Variants in NHSL1 observed in about 807,000 individuals in gnomAD.
NHSL1 encodes the protein NHS-like protein 1.
In NHSL1, 48 loss-of-function variants were observed where a neutral mutation model predicts 95.0. The ratio of observed to expected loss-of-function variants is 0.51; its 90% CI spans 0.40 to 0.64. The LOEUF (loss-of-function observed/expected upper bound fraction) is 0.64, where lower values mean the gene tolerates loss of function less well. Ranked by LOEUF, NHSL1 falls within the 30% of genes least tolerant of loss-of-function variation. NHSL1 has a pLI of 0.00. For synonymous variants in NHSL1, 783 were observed against 833.9 expected (o/e 0.94, Z 1.05); for missense variants, 1,971 against 2,077.7 (o/e 0.95, Z 1.00).
chr6:138,604,094 AG>A (rs1258206914), intron 1 of NHSL1, among the ~76,000 whole-genome samples: 38 of 152,226 alleles, frequency 2.5e-4, no homozygotes, highest in African/African-American at 9.2e-4. Flanking sequence ...AGTTTTGCTA[AG>A]TGAGTTGACC....
chr6:138,659,179 C>T (rs558128525), intron 1 of NHSL1, among the ~76,000 whole-genome samples: 9 of 150,974 alleles, frequency 6.0e-5, no homozygotes, highest in Non-Finnish European at 8.8e-5. Context: ...CCTCCTGAGA[C>T]GCTGGGATTA....
At chr6:138,629,248 A>G (rs1303928576) in intron 1 of NHSL1, among the ~76,000 whole-genome samples, 1 of 152,230 alleles carries the variant, frequency 6.6e-6, no homozygotes, top group Non-Finnish European at 1.5e-5. Flanking sequence ...ACTATGTTGG[A>G]CAACTGAGCT....
intron 4 of NHSL1, among the ~76,000 whole-genome samples, chr6:138,445,216 G>A (rs1380126782): frequency 6.6e-6 from 1 of 152,066 alleles, no homozygotes; most frequent in Non-Finnish European, 1.5e-5. Flanking sequence ...ATTAAGGATT[G>A]TCATATTTCA....
intron 1 of NHSL1, among the ~76,000 whole-genome samples, chr6:138,558,365 A>G (rs1029582552): frequency 6.0e-5 from 9 of 150,312 alleles, no homozygotes; most frequent in Non-Finnish European, 1.2e-4. Flanking sequence ...CTCGTGATCC[A>G]CCTGCGTCAG....
In NHSL1 at chr6:138,449,014, T is replaced by C. The variant is rs561485871; in HGVS notation, c.340-1821A>G. 2.1e-5 allele frequency among the ~76,000 whole-genome samples: 3 copies of C among 143,984 alleles called. No individual in the cohort carries two copies. In the East Asian group the frequency reaches 6.2e-4, roughly 30 times the overall value. 94.5% of individuals were successfully genotyped at this position (143,984 alleles called of 152,430 possible). A position where few individuals can be genotyped will look rare whatever the true frequency, so the allele number is the denominator to read the frequency against. On this transcript the variant is annotated intron_variant, in intron 3 of 7. Coordinates refer to ENST00000343505, the MANE Select transcript of NHSL1 (RefSeq NM_001144060.2). ...TTGCAGTGAGCCGAGATCGCACCAT[T>C]GCGCCCCAGCCTGGGCAACAAGAGC...
upstream of NHSL1, among the ~76,000 whole-genome samples, chr6:138,550,236 C>T (rs932289319): frequency 6.6e-6 from 1 of 151,354 alleles, no homozygotes; most frequent in Non-Finnish European, 1.5e-5. Context: ...GAGACTCTAT[C>T]TCCAAAAAAA....
chr6:138,505,124 C>T (rs9495098), intron 1 of NHSL1, among the ~76,000 whole-genome samples: 24,989 of 152,124 alleles, frequency 0.16, 2,927 homozygotes, highest in African/African-American at 0.33. Flanking sequence ...TTGCCCATCC[C>T]CGCCCCCATC....
chr6:138,431,493 G>A lies in NHSL1; in HGVS notation c.2852C>T (p.Pro951Leu), dbSNP rs1182593263. The A allele has an allele frequency of 1.3e-6, 2 of 1,551,168 alleles. No homozygotes were observed. Among genetic ancestry groups the A allele is most frequent in the Non-Finnish European group, 1.7e-6 (2 of 1,146,820 alleles). ...PCPADRSPFL[P>L]PPPPVTDCSQ... Reference sequence around the variant, plus strand: ...GCAATCTGTGACAGGAGGTGGGGGAGGAAGGAAAGGAGACCTGTCTGCAGG... The same window carrying A: ...GCAATCTGTGACAGGAGGTGGGGGAAGAAGGAAAGGAGACCTGTCTGCAGG... The change falls in exon 6 of 8, where the codon CCT becomes CTT. Residue 951 changes from proline (P) to leucine (L), a missense_variant. Around this residue, in one of 3 missense-constraint regions of NHSL1, gnomAD observed 1,602 missense variants for 1,654.5 expected, o/e 0.97. Coordinates refer to ENST00000343505, the MANE Select transcript of NHSL1 (RefSeq NM_001144060.2). The surrounding 1 kb of genome is among the most constrained non-coding windows in gnomAD (Gnocchi z 4.0).
chr6:138,643,158 T>C (rs748199058), intron 1 of NHSL1, among the ~76,000 whole-genome samples: 15 of 152,254 alleles, frequency 9.9e-5, no homozygotes, highest in Non-Finnish European at 1.9e-4. Context: ...TGTCAAACAC[T>C]GTGCTAGGCC....
chr6:138,573,165 T>C (rs776943417), upstream of NHSL1, among the ~76,000 whole-genome samples: 10 of 152,290 alleles, frequency 6.6e-5, no homozygotes, highest in Non-Finnish European at 1.3e-4. Context: ...GCTACGCTAG[T>C]GGCACTTAGC....
At position 138,433,152 on chromosome 6, in the gene NHSL1, G is replaced by A; in HGVS notation, c.1193C>T (p.Pro398Leu). 1 of 1,551,146 alleles carries A rather than the reference G, an allele frequency of 6.4e-7. No homozygotes were observed. Among genetic ancestry groups the A allele is most frequent in the Non-Finnish European group, 8.7e-7 (1 of 1,146,874 alleles). The change falls in exon 6 of 8, where the codon CCA (proline) becomes CTA (leucine). Residue 398 changes from proline to leucine, a missense_variant. Around this residue, in one of 3 missense-constraint regions of NHSL1, gnomAD observed 1,602 missense variants for 1,654.5 expected, o/e 0.97. Coordinates refer to ENST00000343505, the MANE Select transcript of NHSL1 (RefSeq NM_001144060.2). ...TGCATGAGGAGAAACCACACACGCT[G>A]GGCTCATTATATTTTCACTCTCGAA... ...RHFESENIMS[P>L]ACVVSPHATY...
intron 1 of NHSL1, among the ~76,000 whole-genome samples, chr6:138,587,695 G>T (rs746886529): frequency 2.0e-5 from 3 of 151,792 alleles, no homozygotes; most frequent in Non-Finnish European, 4.4e-5. Flanking sequence ...ACATTTTTTC[G>T]ATTCTAATAT....
At chr6:138,462,205 T>G (rs12526243) in intron 3 of NHSL1, among the ~76,000 whole-genome samples, 8,437 of 152,274 alleles carry the variant, frequency 0.055, 646 homozygotes, top group East Asian at 0.29. Flanking sequence ...TTATTTAGCT[T>G]ATGGTTTCAC....
chr6:138,433,581 T>C lies in NHSL1; in HGVS notation c.764A>G (p.Gln255Arg). The C allele has an allele frequency of 4.5e-6, 7 of 1,552,070 alleles. No individual in the cohort carries two copies. The highest frequency in any genetic ancestry group is 6.1e-6 in the Non-Finnish European group (7 of 1,147,058). Residue 255 changes from glutamine to arginine, a missense_variant, in exon 6 of 8, where the codon CAG becomes CGG. Transcript: ENST00000343505. ...GRFNSCRSAG[Q>R]RSETRDSSCQ... is the part of the protein sequence containing the mutation. ...GCTGGAGTCCCTGGTTTCTGAGCGC[T>C]GCCCAGCAGACCGACAGCTATTGAA...
intron 1 of NHSL1, among the ~76,000 whole-genome samples, chr6:138,585,205 C>G (rs1343634625): frequency 6.6e-6 from 1 of 152,172 alleles, no homozygotes; most frequent in African/African-American, 2.4e-5. Flanking sequence ...ATTAGTTACA[C>G]CTGGTGTGTA....
intron 1 of NHSL1, among the ~76,000 whole-genome samples, chr6:138,521,734 G>A (rs969098611): frequency 6.6e-6 from 1 of 152,150 alleles, no homozygotes; most frequent in Admixed American, 6.5e-5. Flanking sequence ...GGAGAACCCG[G>A]AGGAAACAGT....
intron 1 of NHSL1, among the ~76,000 whole-genome samples, chr6:138,630,046 C>A (rs541944528): frequency 2.4e-4 from 36 of 152,224 alleles, no homozygotes; most frequent in Admixed American, 7.2e-4. Flanking sequence ...GACCCTGTCT[C>A]TACAAAAAAT....
At chr6:138,502,476 C>CG (rs1362877984), upstream of NHSL1, among the ~76,000 whole-genome samples, 5 of 148,300 alleles carry the variant, frequency 3.4e-5, no homozygotes, top group African/African-American at 7.5e-5. Context: ...ATGACAGTGG[C>CG]GGAAAAAAAA....
At chr6:138,619,027 AG>A (rs2114621542) in intron 1 of NHSL1, among the ~76,000 whole-genome samples, 1 of 152,258 alleles carries the variant, frequency 6.6e-6, no homozygotes, top group African/African-American at 2.4e-5. Context: ...AGGAGGACAC[AG>A]GTAACTTAAA....
Sources: gnomAD v4.1 joint callset for allele counts (sites outside exome capture counted in the v4.1 genomes callset) on GRCh38, gnomAD v4.1.1 for gene constraint, gnomAD v4.1.1 regional missense constraint, Gnocchi (gnomAD v3.1) non-coding constraint, MANE v1.5 for transcripts, NCBI Gene and HGNC (gene_info 2026-07-23, HGNC 2026-07-21) for gene names.